PCCA: variants seen among roughly 807,000 people sequenced by gnomAD.
PCCA encodes propionyl-CoA carboxylase subunit alpha, also known as propionyl-CoA carboxylase alpha chain, mitochondrial.
A neutral mutation model predicts 101.3 loss-of-function variants in PCCA; 74 were observed. That is an observed-to-expected ratio of 0.73 (90% CI 0.61 to 0.89). The LOEUF (loss-of-function observed/expected upper bound fraction) is 0.89. PCCA is among the 40% of genes least tolerant of loss of function. The probability of loss-of-function intolerance (pLI) is 0.00; values close to 1 mark genes in which losing one functional copy is unlikely to be tolerated. For synonymous variants in PCCA, 294 were observed against 313.6 expected (o/e 0.94, Z 0.66); for missense variants, 891 against 907.0 (o/e 0.98, Z 0.23).
At chr13:100,146,178 C>T (rs993304868) in intron 4 of PCCA, among the ~76,000 whole-genome samples, 17 of 151,436 alleles carry the variant, frequency 1.1e-4, no homozygotes, top group African/African-American at 2.7e-4. Context: ...TGGCCTCAAG[C>T]GATCTGCCTG....
intron 6 of PCCA, 80 bp downstream of exon 6, chr13:100,157,420 G>A: frequency 4.3e-6 from 4 of 927,704 alleles, no homozygotes; most frequent in Non-Finnish European, 7.1e-6. Flanking sequence ...AATGTGGGTA[G>A]TGATGGATTA....
At chr13:100,195,143 A>T (rs2058028173) in intron 6 of PCCA, among the ~76,000 whole-genome samples, 1 of 152,200 alleles carries the variant, frequency 6.6e-6, no homozygotes, top group Admixed American at 6.5e-5. Flanking sequence ...AGCATTTTAT[A>T]TGAGGTATAG....
At chr13:100,340,342 G>C in intron 18 of PCCA, 83 bp downstream of exon 18, 1 of 789,306 alleles carries the variant, frequency 1.3e-6, no homozygotes, top group East Asian at 2.5e-5. Context: ...AATAAAAGAT[G>C]TGGCTGATCT....
rs984677465 is a variant in PCCA, at chr13:100,467,235, G to T, written c.1899+17930G>T. On this transcript the variant is annotated intron_variant, in intron 21 of 23. Transcript: ENST00000376285. ...GGGAGTTAGTTATTCCTGACTGTTG[G>T]GTGGAGAGCAATTTGATGGGACAAA... Among the ~76,000 whole-genome samples, 5 of 152,244 alleles carry T rather than the reference G, an allele frequency of 3.3e-5. 1 individual carries two copies. The highest frequency in any genetic ancestry group is 1.2e-4 in the African/African-American group (5 of 41,542).
chr13:100,282,592 A>G (rs2064223584), intron 12 of PCCA, among the ~76,000 whole-genome samples: 1 of 152,182 alleles, frequency 6.6e-6, no homozygotes, highest in African/African-American at 2.4e-5. Flanking sequence ...TGGAGGTTGT[A>G]CTGGGTCCCC....
At chr13:100,306,441 T>A (rs978282988) in intron 14 of PCCA, among the ~76,000 whole-genome samples, 1 of 152,228 alleles carries the variant, frequency 6.6e-6, no homozygotes, top group Non-Finnish European at 1.5e-5. Flanking sequence ...CCTCAGTAAC[T>A]GCTCATTTTT....
chr13:100,455,213 G>A (rs2081617322), intron 21 of PCCA, among the ~76,000 whole-genome samples: 1 of 152,152 alleles, frequency 6.6e-6, no homozygotes, highest in African/African-American at 2.4e-5. Flanking sequence ...AATTGTAAGT[G>A]GTGTGACCAG....
chr13:100,513,815 C>G (rs999122467), intron 21 of PCCA, among the ~76,000 whole-genome samples: 7 of 152,238 alleles, frequency 4.6e-5, no homozygotes, highest in Admixed American at 2.6e-4. Context: ...GAAGGCGCAG[C>G]TCAGGGCGAT....
intron 18 of PCCA, among the ~76,000 whole-genome samples, chr13:100,366,598 C>T (rs2152809049): frequency 6.6e-6 from 1 of 152,194 alleles, no homozygotes; most frequent in East Asian, 1.9e-4. Flanking sequence ...TCCCTTCTTC[C>T]TTTCTGCTCA....
chr13:100,257,383 T>TA (rs386380449), intron 8 of PCCA, among the ~76,000 whole-genome samples: 2 of 2,862 alleles, frequency 7.0e-4, no homozygotes, highest in Non-Finnish European at 0.033. Flanking sequence ...ACAAGTACCC[T>TA]TTTTTCTTTT....
chr13:100,515,625 AGCGACGGCTAACG>A, intron 22 of PCCA, 58 bp downstream of exon 22: 1 of 1,595,048 alleles, frequency 6.3e-7, no homozygotes, highest in Non-Finnish European at 8.5e-7. Context: ...CCCCTTCCAA[AGCGACGGCTAACG>A]GCACAGCACG....
chr13:100,227,474 A>C (rs191430785), intron 7 of PCCA, among the ~76,000 whole-genome samples: 1 of 152,134 alleles, frequency 6.6e-6, no homozygotes, highest in Admixed American at 6.5e-5. Flanking sequence ...GTTAAATAGT[A>C]CTTTTTACTG....
chr13:100,116,612 C>T (rs1014127892), intron 4 of PCCA, among the ~76,000 whole-genome samples: 2 of 151,964 alleles, frequency 1.3e-5, no homozygotes, highest in Non-Finnish European at 2.9e-5. Flanking sequence ...CCAATTACCC[C>T]CCTTCCCCAA....
intron 19 of PCCA, among the ~76,000 whole-genome samples, chr13:100,413,989 G>A (rs2078206132): frequency 6.6e-6 from 1 of 152,164 alleles, no homozygotes; most frequent in African/African-American, 2.4e-5. Flanking sequence ...TTTGTAGACC[G>A]TAAAACTGAA....
At chr13:100,512,603 C>T (rs542554956) in intron 21 of PCCA, among the ~76,000 whole-genome samples, 1 of 152,312 alleles carries the variant, frequency 6.6e-6, no homozygotes, top group East Asian at 1.9e-4. Context: ...CATGGCAGCC[C>T]AGCCCCACCC....
At chr13:100,236,924 A>C (rs1218792846) in intron 8 of PCCA, 1 of 152,246 alleles carries the variant, frequency 6.6e-6, no homozygotes, top group Non-Finnish European at 1.5e-5. Flanking sequence ...TACATTTGAC[A>C]GAAATTTGTA....
chr13:100,493,540 A>G (rs837319), intron 21 of PCCA, among the ~76,000 whole-genome samples: 2 of 152,172 alleles, frequency 1.3e-5, no homozygotes, highest in Non-Finnish European at 2.9e-5. Context: ...TTGAAACTTG[A>G]TAAGACTGCC....
rs57213956 is a variant in PCCA at position 100,481,407 on chromosome 13, A to C, written c.1899+32102A>C. 4.8e-3 allele frequency among the ~76,000 whole-genome samples: 729 copies of C among 152,142 alleles called. 5 individuals carry two copies. Among genetic ancestry groups the C allele is most frequent in the African/African-American group, 0.016 (679 of 41,502 alleles). ...ACTCTGCCTCTACAAAAAACACAAA[A>C]ATTCACCGGTCACGGTGGCACATAC... On this transcript the variant is annotated intron_variant, in intron 21 of 23. Coordinates refer to ENST00000376285, the MANE Select transcript of PCCA (RefSeq NM_000282.4).
intron 7 of PCCA, among the ~76,000 whole-genome samples, chr13:100,231,678 G>T (rs1328838483): frequency 6.6e-6 from 1 of 152,146 alleles, no homozygotes; most frequent in Non-Finnish European, 1.5e-5. Context: ...GTACCTAAGA[G>T]CATACAATTT....
Sources: allele counts gnomAD v4.1 joint callset (sites outside exome capture counted in the v4.1 genomes callset), GRCh38; gene constraint gnomAD v4.1.1; transcripts MANE v1.5; gene names NCBI Gene and HGNC (gene_info 2026-07-23, HGNC 2026-07-21).